PAICS: variants seen among roughly 807,000 people sequenced by gnomAD.
PAICS encodes the protein phosphoribosylaminoimidazole carboxylase and phosphoribosylaminoimidazolesuccinocarboxamide synthase, also known as bifunctional phosphoribosylaminoimidazole carboxylase/phosphoribosylaminoimidazole succinocarboxamide synthetase.
Under a neutral mutation model 53.7 loss-of-function variants are expected in PAICS, and 33 were observed. The ratio of observed to expected loss-of-function variants is 0.61; its 90% confidence interval spans 0.47 to 0.82. The LOEUF is 0.82. Ranked by LOEUF, PAICS falls within the 40% of genes least tolerant of loss-of-function variation. The pLI is 0.00. For missense variants in PAICS, 394 were observed against 494.1 expected (o/e 0.80, Z 1.92); for synonymous variants, 141 against 167.2 (o/e 0.84, Z 1.21).
At chr4:56,427,868 T>A in the PAICS span, among the ~76,000 whole-genome samples, 1 of 152,124 alleles carries the variant, frequency 6.6e-6, no homozygotes, top group South Asian at 2.1e-4. Context: ...ACAGAGAAGA[T>A]CTCTATTGTG....
chr4:56,436,239 C>T (rs1379861821), upstream of PAICS: 2 of 1,551,714 alleles, frequency 1.3e-6, no homozygotes, highest in East Asian at 4.9e-5. Context: ...CAGCGAAGCT[C>T]TCTGACCACC....
Position 56,441,646 on chromosome 4 carries a change from C to A in PAICS, c.17-17C>A. 2 of 1,366,812 alleles carry A rather than the reference C, an allele frequency of 1.5e-6. No homozygotes were observed. Among genetic ancestry groups the A allele is most frequent in the South Asian group, 1.6e-5 (1 of 62,542 alleles). The allele number at this position is 1,366,812 out of a possible 1,614,324, so 84.7% of individuals were successfully genotyped here. ...GAAGTTTCTGAATTTTGGTCTATTT[C>A]CATTTTATTTCCACAGTACTGAACA... On this transcript the variant is annotated splice_polypyrimidine_tract_variant and intron_variant, in intron 1 of 8. Coordinates refer to ENST00000512576, the MANE Select transcript of PAICS (RefSeq NM_001079524.2).
intron 5 of PAICS, among the ~76,000 whole-genome samples, chr4:56,449,059 C>T (rs1032967199): frequency 6.6e-6 from 1 of 152,126 alleles, no homozygotes; most frequent in Non-Finnish European, 1.5e-5. Flanking sequence ...ATTGTCACAA[C>T]AGTAACAGCA....
rs1023226228 is a variant in PAICS at position 56,462,741 on chromosome 4, C to T, written c.*3203C>T. 2 of 152,166 alleles carry T rather than the reference C, an allele frequency of 1.3e-5. No homozygotes were observed. Among genetic ancestry groups the T allele is most frequent in the Non-Finnish European group, 2.9e-5 (2 of 68,054 alleles). 9.4% of individuals were successfully genotyped at this position (152,166 alleles called of 1,614,324 possible). ...ATTCTCTGGGCATGGTAGCTCATGC[C>T]TGTAATCCCAGCACTTTGGGTGGCC... On this transcript the variant is annotated 3_prime_UTR_variant, in exon 9 of 9. Transcript: ENST00000512576.
At chr4:56,448,026 G>A (rs1232750939) in intron 3 of PAICS, among the ~76,000 whole-genome samples, 1 of 34,008 alleles carries the variant, frequency 2.9e-5, no homozygotes, top group African/African-American at 1.2e-4. Context: ...TTTTTTTTTT[G>A]AGATGGAGTC....
At chr4:56,453,064 A>G (rs978638854) in intron 7 of PAICS, among the ~76,000 whole-genome samples, 2 of 152,234 alleles carry the variant, frequency 1.3e-5, no homozygotes, top group African/African-American at 4.8e-5. Flanking sequence ...AGGATAATTT[A>G]TAAATTTATC....
intron 2 of PAICS, among the ~76,000 whole-genome samples, chr4:56,443,979 T>C (rs565685877): frequency 6.6e-6 from 1 of 152,346 alleles, no homozygotes; most frequent in South Asian, 2.1e-4. Flanking sequence ...TAAACCTGAA[T>C]TTTTTAAAAT....
At chr4:56,414,424 C>A in the PAICS span, 8 of 152,266 alleles carry the variant, frequency 5.3e-5, no homozygotes, top group African/African-American at 1.7e-4. Context: ...TCTGCTAAAT[C>A]TCATCATCCT....
At chr4:56,429,039 C>G in the PAICS span, 14 of 646,504 alleles carry the variant, frequency 2.2e-5, no homozygotes, top group Non-Finnish European at 2.7e-5. Flanking sequence ...TTCTTCCACA[C>G]AGTGGAAACA....
rs1034401368 is a variant in PAICS at position 56,459,749 on chromosome 4, T to C, written c.*211T>C. On this transcript the variant is annotated 3_prime_UTR_variant, in exon 9 of 9. Transcript: ENST00000512576. ...ACACCAAGATATTTCAGCCAGCCTT[T>C]ATCATTCCTCTTACTTTATCCTTTT... 1 of 462,796 alleles carries C rather than the reference T, an allele frequency of 2.2e-6. No individual in the cohort carries two copies. Among genetic ancestry groups the C allele is most frequent in the Non-Finnish European group, 3.9e-6 (1 of 258,220 alleles). The allele number at this position is 462,796 out of a possible 1,614,324, so 28.7% of individuals were successfully genotyped here.
intron 8 of PAICS, 41 bp downstream of exon 8, chr4:56,453,802 A>T (rs892198726): frequency 7.2e-7 from 1 of 1,386,500 alleles, no homozygotes; most frequent in African/African-American, 1.4e-5. Context: ...CATTACAAGC[A>T]TTTAACAGAT....
chr4:56,436,427 C>A, intron 1 of PAICS, 99 bp downstream of exon 1: 3 of 1,024,314 alleles, frequency 2.9e-6, no homozygotes, highest in Non-Finnish European at 4.5e-6. Context: ...CGCCTCCCTG[C>A]AGCAGCGCCT....
intron 8 of PAICS, among the ~76,000 whole-genome samples, chr4:56,457,258 C>G (rs1405919453): frequency 6.6e-6 from 1 of 152,052 alleles, no homozygotes; most frequent in African/African-American, 2.4e-5. Flanking sequence ...ACCATAAATA[C>G]AAAAATTAGC....
intron 8 of PAICS, among the ~76,000 whole-genome samples, chr4:56,454,814 T>G (rs1413751810): frequency 6.6e-6 from 1 of 152,072 alleles, no homozygotes; most frequent in Non-Finnish European, 1.5e-5. Flanking sequence ...TTTTTTAAAG[T>G]AAATGTGATC....
rs1719608683 is a variant in PAICS at position 56,464,312 on chromosome 4, C to T, written c.*4774C>T. On this transcript the variant is annotated 3_prime_UTR_variant, in exon 9 of 9. Coordinates refer to ENST00000512576, the MANE Select transcript of PAICS (RefSeq NM_001079524.2). Reference sequence around the variant, plus strand: ...TCTGCTCTCAATGAATCTTGGAAGTCTCCAGAGGCAGACAATTTCAAAACA... The same window carrying T: ...TCTGCTCTCAATGAATCTTGGAAGTTTCCAGAGGCAGACAATTTCAAAACA... 2 of 152,150 alleles carry T rather than the reference C, an allele frequency of 1.3e-5. No individual in the cohort carries two copies. Among genetic ancestry groups the T allele is most frequent in the Admixed American group, 1.3e-4 (2 of 15,280 alleles). 9.4% of individuals were successfully genotyped at this position (152,150 alleles called of 1,614,324 possible). A position where few individuals can be genotyped will look rare whatever the true frequency, so the allele number is the denominator to read the frequency against.
chr4:56,419,915 G>A, the PAICS span: 1 of 984,626 alleles, frequency 1.0e-6, no homozygotes, highest in Non-Finnish European at 1.2e-6. Flanking sequence ...GCATGACTAA[G>A]AGTATGAAAT....
chr4:56,453,853 C>T (rs1335294822), intron 8 of PAICS, 92 bp downstream of exon 8: 2 of 822,086 alleles, frequency 2.4e-6, no homozygotes, highest in South Asian at 2.3e-5. Context: ...ATCTCATGTA[C>T]CCATGACCTA....
chr4:56,452,436 A>G (rs1718967581), intron 7 of PAICS, among the ~76,000 whole-genome samples: 1 of 152,152 alleles, frequency 6.6e-6, no homozygotes, highest in South Asian at 2.1e-4. Flanking sequence ...TGGCCTCCCA[A>G]AGTGCTGGGA....
At position 56,446,823 on chromosome 4, in the gene PAICS, G is replaced by A; in HGVS notation, c.343G>A (p.Val115Ile). 1.2e-6 allele frequency: 2 copies of A among 1,610,548 alleles called. No individual in the cohort carries two copies. The highest frequency in any genetic ancestry group is 1.7e-6 in the Non-Finnish European group (2 of 1,178,104). ...TGSFLKRNPG[V>I]KEGYKFYPPK... ...TTCTTTTCTCAAAAGAAATCCTGGT[G>A]TCAAGGAAGGATATAAGTTTTACCC... Residue 115 changes from valine to isoleucine, a missense_variant, in exon 3 of 9, where the codon GTC becomes ATC. Physicochemically the swap from Val to Ile is conservative, Grantham distance 29. Coordinates refer to ENST00000512576, the MANE Select transcript of PAICS (RefSeq NM_001079524.2).
Sources: gnomAD v4.1 joint callset for allele counts (sites outside exome capture counted in the v4.1 genomes callset) on GRCh38, gnomAD v4.1.1 for gene constraint, MANE v1.5 for transcripts, NCBI Gene and HGNC (gene_info 2026-07-23, HGNC 2026-07-21) for gene names.